TGIF1: variants seen among roughly 807,000 people sequenced by gnomAD.
TGIF1 encodes the protein homeobox protein TGIF1.
A neutral mutation model predicts 19.3 loss-of-function variants in TGIF1; 4 were observed. That is an observed-to-expected ratio of 0.21 (90% CI 0.10 to 0.47). TGIF1 has a LOEUF of 0.47. TGIF1 is among the 20% of genes least tolerant of loss of function. TGIF1 has a pLI of 0.98. For missense variants in TGIF1, 275 were observed against 341.4 expected, an observed-to-expected ratio of 0.81 and a Z score of 1.53; for synonymous variants, 122 against 129.3, an observed-to-expected ratio of 0.94 and a Z score of 0.38.
intron 1 of TGIF1, chr18:3,453,880 A>AG: frequency 1.0e-6 from 1 of 975,124 alleles, no homozygotes; most frequent in Non-Finnish European, 1.2e-6. Flanking sequence ...GACGTTTGGA[A>AG]ACAAGTCTTA....
chr18:3,432,570 C>T (rs377132825), intron 2 of TGIF1, among the ~76,000 whole-genome samples: 1 of 152,130 alleles, frequency 6.6e-6, no homozygotes, highest in South Asian at 2.1e-4. Flanking sequence ...GTATTTAGGG[C>T]ACAAAGGGCA....
intron 2 of TGIF1, among the ~76,000 whole-genome samples, chr18:3,431,553 T>C (rs79141518): frequency 0.01 from 1,591 of 152,224 alleles, 30 homozygotes; most frequent in African/African-American, 0.036. Flanking sequence ...TCCATACTGA[T>C]ACAAATAAGC....
intron 2 of TGIF1, among the ~76,000 whole-genome samples, chr18:3,428,710 T>C (rs1233145381): frequency 4.0e-5 from 6 of 148,264 alleles, no homozygotes; most frequent in Middle Eastern, 3.8e-3. Context: ...GCACTCCAGT[T>C]TGGGCGACAG....
Position 3,457,272 on chromosome 18 carries a change from G to A in TGIF1, c.244-93G>A, listed in dbSNP as rs2049385927. ...CTTTTCATGCTTTCTTTAATTCAGA[G>A]AGCAAGATCAATTAGGTACCCCATA... On this transcript the variant is annotated intron_variant, in intron 2 of 2. Coordinates refer to ENST00000343820, the MANE Select transcript of TGIF1 (RefSeq NM_003244.4). The surrounding 1 kb of genome is among the most constrained non-coding windows in gnomAD (Gnocchi z 4.9). The A allele has an allele frequency of 7.7e-7, 1 of 1,294,630 alleles. No homozygotes were observed. Among genetic ancestry groups the A allele is most frequent in the South Asian group, 1.3e-5 (1 of 79,630 alleles). The allele number at this position is 1,294,630 out of a possible 1,614,324, so 80.2% of individuals were successfully genotyped here. A position where few individuals can be genotyped will look rare whatever the true frequency, so the allele number is the denominator to read the frequency against.
upstream of TGIF1, chr18:3,449,465 C>T (rs2082828520): frequency 2.0e-6 from 2 of 985,490 alleles, no homozygotes; most frequent in Non-Finnish European, 2.4e-6. Flanking sequence ...TTCGAAACTG[C>T]CTTGCAATCC....
chr18:3,417,907 T>C (rs1430822020), intron 1 of TGIF1, among the ~76,000 whole-genome samples: 2 of 152,134 alleles, frequency 1.3e-5, no homozygotes, highest in African/African-American at 2.4e-5. Context: ...AAGACCAGCC[T>C]GGGCAACATA....
rs747911800 is a variant in TGIF1, at chr18:3,456,514, C to T, written c.177C>T (p.Tyr59=). 1.2e-6 allele frequency: 2 copies of T among 1,614,266 alleles called. No homozygotes were observed. ...GGGATTGGCTGTATGAGCACCGTTACAATGCCTATCCTTCAGAGCAAGAAA... is the reference window on the plus strand; with the variant it reads ...GGGATTGGCTGTATGAGCACCGTTATAATGCCTATCCTTCAGAGCAAGAAA... The part of the protein sequence containing the change: ...ILRDWLYEHR[Y]NAYPSEQEKA... Residue 59 remains tyrosine (Y), a synonymous_variant, in exon 2 of 3, where the codon TAC becomes TAT. Transcript: ENST00000343820. The surrounding 1 kb of genome is among the most constrained non-coding windows in gnomAD (Gnocchi z 4.2).
At chr18:3,422,563 A>G (rs2082414144) in intron 2 of TGIF1, among the ~76,000 whole-genome samples, 1 of 151,892 alleles carries the variant, frequency 6.6e-6, no homozygotes, top group Non-Finnish European at 1.5e-5. Flanking sequence ...AATAGTGTAC[A>G]GTAATATTTT....
chr18:3,452,216 C>A (rs1383222812), intron 1 of TGIF1: 1 of 1,586,416 alleles, frequency 6.3e-7, no homozygotes, highest in Admixed American at 1.7e-5. Context: ...GGTCCTCCTG[C>A]GCCCCCCCTC....
chr18:3,456,201 G>A lies in TGIF1; in HGVS notation c.17-153G>A, dbSNP rs981228179. On this transcript the variant is annotated intron_variant, in intron 1 of 2. Coordinates refer to ENST00000343820, the MANE Select transcript of TGIF1 (RefSeq NM_003244.4). The surrounding 1 kb of genome is among the most constrained non-coding windows in gnomAD (Gnocchi z 4.2). ...GGTGCTAGTCAAACTACTTTTACTT[G>A]GACCCTGAATTCAGGACAGAAAACA... is the stretch of plus-strand genomic sequence containing the variant. 5.6e-5 allele frequency: 46 copies of A among 816,706 alleles called. No individual in the cohort carries two copies. The highest frequency in any genetic ancestry group is 9.2e-5 in the Non-Finnish European group (43 of 469,794). The allele number at this position is 816,706 out of a possible 1,614,324, so 50.6% of individuals were successfully genotyped here.
At chr18:3,455,600 C>G (rs1401396060) in intron 1 of TGIF1, 1 of 151,062 alleles carries the variant, frequency 6.6e-6, no homozygotes, top group Non-Finnish European at 1.5e-5. Context: ...TTTGACCTTA[C>G]TAAAGTACCA....
chr18:3,436,211 C>CT (rs1215119563), intron 2 of TGIF1, among the ~76,000 whole-genome samples: 3 of 152,172 alleles, frequency 2.0e-5, no homozygotes, highest in South Asian at 2.1e-4. Flanking sequence ...ATTTCAGCAA[C>CT]TTTTTTTATT....
chr18:3,420,827 T>C (rs1004849299), intron 2 of TGIF1, among the ~76,000 whole-genome samples: 10 of 152,344 alleles, frequency 6.6e-5, no homozygotes, highest in Admixed American at 6.5e-4. Flanking sequence ...TTTTGACTGC[T>C]TTTTGCTGCT....
intron 2 of TGIF1, among the ~76,000 whole-genome samples, chr18:3,441,361 C>T (rs1406503826): frequency 2.0e-5 from 3 of 152,196 alleles, no homozygotes; most frequent in Non-Finnish European, 4.4e-5. Flanking sequence ...TTCCCCACTC[C>T]AAGATCATAC....
Position 3,422,673 on chromosome 18 carries a change from C to CTTTTTTG in TGIF1, c.-45+4464_-45+4465insGTTTTTT, listed in dbSNP as rs1481496826. Among the ~76,000 whole-genome samples, 69 of 24,644 alleles carry CTTTTTTG rather than the reference C, an allele frequency of 2.8e-3. 3 individuals carry two copies. The highest frequency in any genetic ancestry group is 6.0e-3 in the Non-Finnish European group (37 of 6,132). The allele number at this position is 24,644 out of a possible 152,430, so 16.2% of individuals were successfully genotyped here. The stretch of plus-strand genomic sequence containing the variant: ...ATGTTAAGTGCCCTATATAGGTGGC[C>CTTTTTTG]TTTTTTTTTTTTTTTTTTTTTTTTT... On this transcript the variant is annotated intron_variant, in intron 2 of 3. Transcript: ENST00000401449.
At position 3,459,166 on chromosome 18, in the gene TGIF1, G is replaced by A. The variant is rs2049451260; in HGVS notation, c.*1226G>A. 6.6e-6 allele frequency: 1 copy of A among 152,220 alleles called. No individual in the cohort carries two copies. The highest frequency in any genetic ancestry group is 2.4e-5 in the African/African-American group (1 of 41,448). 9.4% of individuals were successfully genotyped at this position (152,220 alleles called of 1,614,324 possible). On this transcript the variant is annotated 3_prime_UTR_variant, in exon 3 of 3. Coordinates refer to ENST00000343820, the MANE Select transcript of TGIF1 (RefSeq NM_003244.4). ...CATTCTTTGTAGTCATGCTTAGTAT[G>A]AGCTTGCTTTGTTGTTACGGTCATG...
intron 2 of TGIF1, among the ~76,000 whole-genome samples, chr18:3,443,896 C>T (rs2082705987): frequency 6.6e-6 from 1 of 151,018 alleles, no homozygotes; most frequent in Non-Finnish European, 1.5e-5. Context: ...TATTTGCATA[C>T]TGCCTGGCAT....
intron 2 of TGIF1, among the ~76,000 whole-genome samples, chr18:3,438,596 A>AACACACACACACACACACAC (rs56864804): frequency 0.061 from 8,359 of 135,924 alleles, 453 homozygotes; most frequent in Admixed American, 0.086. Context: ...CATACACACA[A>AACACACACACACACACACAC]ACACACACAC....
At chr18:3,447,647 G>A, upstream of TGIF1, 2 of 1,439,060 alleles carry the variant, frequency 1.4e-6, no homozygotes, top group East Asian at 2.3e-5. Flanking sequence ...GTGCATCTAC[G>A]GGAGCGGTTG....
Sources: gnomAD v4.1 joint callset for allele counts (sites outside exome capture counted in the v4.1 genomes callset) on GRCh38, gnomAD v4.1.1 for gene constraint, Gnocchi (gnomAD v3.1) non-coding constraint, MANE v1.5 for transcripts, NCBI Gene and HGNC (gene_info 2026-07-23, HGNC 2026-07-21) for gene names.